ANP32A: variants seen among roughly 807,000 people sequenced by gnomAD.
ANP32A encodes acidic nuclear phosphoprotein 32 family member A.
In ANP32A, 1 loss-of-function variant was observed where a neutral mutation model predicts 33.9. The observed-to-expected ratio is 0.03, with a 90% CI of 0.01 to 0.14. The LOEUF (loss-of-function observed/expected upper bound fraction) is 0.14, where lower values mean the gene tolerates loss of function less well. Ranked by LOEUF, ANP32A falls within the 10% of genes least tolerant of loss-of-function variation. ANP32A has a pLI of 1.00. For missense variants in ANP32A, 155 were observed against 306.0 expected (o/e 0.51, Z 3.68); for synonymous variants, 115 against 120.5 (o/e 0.95, Z 0.30).
intron 1 of ANP32A, among the ~76,000 whole-genome samples, chr15:68,808,006 G>C (rs563788844): frequency 1.8e-4 from 28 of 152,300 alleles, no homozygotes; most frequent in African/African-American, 6.5e-4. Context: ...GTGGTTGTGT[G>C]AACAATCCCA....
intron 1 of ANP32A, among the ~76,000 whole-genome samples, chr15:68,817,080 T>C (rs997743930): frequency 1.3e-5 from 2 of 152,196 alleles, no homozygotes; most frequent in Non-Finnish European, 2.9e-5. Context: ...GATACCAGAG[T>C]TCAGCTCGTG....
chr15:68,805,131 G>C (rs1166653733), intron 1 of ANP32A, among the ~76,000 whole-genome samples: 1 of 152,186 alleles, frequency 6.6e-6, no homozygotes, highest in Non-Finnish European at 1.5e-5. Context: ...CATCAGTAGG[G>C]TCTCTCCAGC....
chr15:68,818,736 C>G (rs1894426911), intron 1 of ANP32A, among the ~76,000 whole-genome samples: 1 of 151,898 alleles, frequency 6.6e-6, no homozygotes, highest in Non-Finnish European at 1.5e-5. Flanking sequence ...CCCGCACCCA[C>G]CCGCGGCGAC....
intron 1 of ANP32A, among the ~76,000 whole-genome samples, chr15:68,797,880 G>A (rs1210431037): frequency 2.0e-5 from 3 of 152,154 alleles, no homozygotes; most frequent in Non-Finnish European, 4.4e-5. Flanking sequence ...GCCCTCCCCA[G>A]AGGGGCTGGC....
At chr15:68,791,637 T>C (rs890437177) in intron 1 of ANP32A, 1 of 152,714 alleles carries the variant, frequency 6.5e-6, no homozygotes, top group African/African-American at 2.4e-5. Context: ...AGAGGTTGCT[T>C]CCACTCCCTT....
intron 3 of ANP32A, 150 bp downstream of exon 3, chr15:68,787,263 G>T: frequency 2.6e-6 from 3 of 1,145,872 alleles, no homozygotes; most frequent in Non-Finnish European, 3.7e-6. Context: ...TATGGACTCA[G>T]CAGAAACAAT....
At chr15:68,781,487 T>C (rs1893866682) in intron 5 of ANP32A, 1 of 149,572 alleles carries the variant, frequency 6.7e-6, no homozygotes, top group Non-Finnish European at 1.5e-5. Context: ...GGGGAACCTG[T>C]TTTACTAAGA....
chr15:68,800,613 G>A (rs774467933), intron 1 of ANP32A, among the ~76,000 whole-genome samples: 8 of 126,946 alleles, frequency 6.3e-5, no homozygotes, highest in Non-Finnish European at 1.2e-4. Context: ...GTGTGGTGGC[G>A]GGCACCTGTA....
chr15:68,784,365 C>T (rs764209822), intron 4 of ANP32A, 32 bp downstream of exon 4: 1 of 1,607,364 alleles, frequency 6.2e-7, no homozygotes, highest in Non-Finnish European at 8.5e-7. Flanking sequence ...CAGCTGGGCC[C>T]CTGCAGCCCT....
chr15:68,795,139 C>T (rs549838427), intron 1 of ANP32A, among the ~76,000 whole-genome samples: 1 of 152,284 alleles, frequency 6.6e-6, no homozygotes, highest in East Asian at 1.9e-4. Context: ...TAACAGATCA[C>T]TCGTGTAGCT....
chr15:68,806,121 A>G (rs997914641), intron 1 of ANP32A, among the ~76,000 whole-genome samples: 1 of 152,154 alleles, frequency 6.6e-6, no homozygotes, highest in Non-Finnish European at 1.5e-5. Context: ...AACCACCCCC[A>G]TAACTCTGGT....
intron 1 of ANP32A, among the ~76,000 whole-genome samples, chr15:68,805,792 T>C (rs1894211953): frequency 6.6e-6 from 1 of 152,180 alleles, no homozygotes; most frequent in African/African-American, 2.4e-5. Flanking sequence ...ACCCATCTCC[T>C]TTAACGCAGC....
chr15:68,780,148 A>G lies in ANP32A; in HGVS notation c.689-6T>C. The stretch of plus-strand genomic sequence containing the variant: ...CTTCTGACCCCTTTCTTCTTCTGGA[A>G]AAGTAAGAAAGCGGCATTTAGATTA... On this transcript the variant is annotated splice_polypyrimidine_tract_variant and splice_region_variant and intron_variant, in intron 6 of 6. Coordinates refer to ENST00000465139, the MANE Select transcript of ANP32A (RefSeq NM_006305.4). This position sits in a 1 kb window ranked among gnomAD's most constrained non-coding sequence, Gnocchi z 4.3. 1 of 1,613,646 alleles carries G rather than the reference A, an allele frequency of 6.2e-7. No individual in the cohort carries two copies. The highest frequency in any genetic ancestry group is 8.5e-7 in the Non-Finnish European group (1 of 1,179,690).
chr15:68,780,461 C>T lies in ANP32A; in HGVS notation c.637G>A (p.Gly213Ser), dbSNP rs200253787. Residue 213 changes from glycine to serine, a missense_variant, in exon 6 of 7, where the codon GGT becomes AGT. By Grantham distance (56) the Gly-to-Ser change is moderately conservative. Transcript: ENST00000465139. This position sits in a 1 kb window ranked among gnomAD's most constrained non-coding sequence, Gnocchi z 4.3. ...VSGEEEEDEEGYNDGEVDDEE... is the reference protein window; with the variant it reads ...VSGEEEEDEESYNDGEVDDEE... ...TCATCTACCTCTCCATCGTTATAAC[C>T]TTCTTCATCCTCCTAGGAGAAAGGA... 4.3e-6 allele frequency: 7 copies of T among 1,613,998 alleles called. No homozygotes were observed. In the East Asian group the frequency reaches 1.3e-4, roughly 31 times the overall value.
chr15:68,787,723 A>T, intron 2 of ANP32A, 47 bp downstream of exon 2: 1 of 1,606,124 alleles, frequency 6.2e-7, no homozygotes, highest in Non-Finnish European at 8.5e-7. Context: ...AACCCTTCCC[A>T]CTCCCCACCC....
At chr15:68,820,627 A>AGT (rs1555424780) in intron 1 of ANP32A, 71 bp downstream of exon 1, 3 of 958,078 alleles carry the variant, frequency 3.1e-6, no homozygotes, top group African/African-American at 7.6e-5. Flanking sequence ...GCCTCCCCCC[A>AGT]GCGCGCACAC....
intron 1 of ANP32A, among the ~76,000 whole-genome samples, chr15:68,796,567 TG>T (rs1464066360): frequency 6.6e-6 from 1 of 152,214 alleles, no homozygotes; most frequent in Non-Finnish European, 1.5e-5. Flanking sequence ...CAGTGGATGC[TG>T]GAAGACTGAA....
At chr15:68,803,742 C>T (rs545185729) in intron 1 of ANP32A, among the ~76,000 whole-genome samples, 1 of 149,430 alleles carries the variant, frequency 6.7e-6, no homozygotes, top group East Asian at 1.9e-4. Context: ...AAAAATAGGA[C>T]AAAAATCATT....
intron 1 of ANP32A, among the ~76,000 whole-genome samples, chr15:68,818,619 A>G: frequency 6.6e-6 from 1 of 151,362 alleles, no homozygotes; most frequent in East Asian, 2.0e-4. Flanking sequence ...TCCCCTCCCC[A>G]ACACACACAC....
Sources: allele counts gnomAD v4.1 joint callset (sites outside exome capture counted in the v4.1 genomes callset), GRCh38; gene constraint gnomAD v4.1.1; non-coding constraint Gnocchi (gnomAD v3.1); transcripts MANE v1.5; gene names NCBI Gene and HGNC (gene_info 2026-07-23, HGNC 2026-07-21).